TRAPPC9: variants seen among roughly 807,000 people sequenced by gnomAD.
TRAPPC9 encodes IKK2 binding protein.
TRAPPC9 carries 83 observed loss-of-function variants against 124.0 expected under a neutral mutation model. The ratio of observed to expected loss-of-function variants is 0.67; its 90% confidence interval spans 0.56 to 0.80. The LOEUF (loss-of-function observed/expected upper bound fraction) is 0.80, where lower values mean the gene tolerates loss of function less well. Among genes scored for constraint, TRAPPC9 ranks in the 30% least tolerant of loss-of-function variants. The pLI, the probability that TRAPPC9 is intolerant of heterozygous loss-of-function variation, is 0.00. For synonymous variants in TRAPPC9, 638 were observed against 617.5 expected (o/e 1.03, Z -0.49); for missense variants, 1,302 against 1,508.3 (o/e 0.86, Z 2.27).
chr8:140,300,461 C>T lies in TRAPPC9; in HGVS notation c.1768+8G>A, dbSNP rs1201370360. On this transcript the variant is annotated splice_region_variant and intron_variant, in intron 11 of 22. Coordinates refer to ENST00000438773, the MANE Select transcript of TRAPPC9 (RefSeq NM_001160372.4). ...AGCACGGTGGGAAAGCCAGGATCGA[C>T]GTCCTACCTATTTTCTTGTTCCGCT... 4.3e-6 allele frequency: 7 copies of T among 1,614,104 alleles called. No homozygotes were observed. The highest frequency in any genetic ancestry group is 3.3e-5 in the South Asian group (3 of 91,076).
chr8:139,827,694 C>A (rs895616043), intron 21 of TRAPPC9, among the ~76,000 whole-genome samples: 1 of 152,192 alleles, frequency 6.6e-6, no homozygotes, highest in Non-Finnish European at 1.5e-5. Flanking sequence ...GCCAGGACAG[C>A]AGCAAGAGGG....
intron 21 of TRAPPC9, among the ~76,000 whole-genome samples, chr8:139,782,588 T>C (rs867886929): frequency 1.2e-4 from 18 of 152,190 alleles, no homozygotes; most frequent in South Asian, 4.1e-4. Flanking sequence ...ATGGAGCTGA[T>C]TGGTAACAGA....
At chr8:140,304,714 C>A (rs2066076265) in intron 10 of TRAPPC9, among the ~76,000 whole-genome samples, 1 of 152,252 alleles carries the variant, frequency 6.6e-6, no homozygotes, top group East Asian at 1.9e-4. Context: ...CCTACCAGCT[C>A]TTCTTGATGC....
intron 17 of TRAPPC9, among the ~76,000 whole-genome samples, chr8:140,051,512 A>G (rs1268998425): frequency 8.1e-6 from 1 of 123,514 alleles, no homozygotes; most frequent in Non-Finnish European, 1.9e-5. Flanking sequence ...TGCTGCATAC[A>G]CCTGCAAGAA....
chr8:139,748,836 C>T (rs2130175949), intron 21 of TRAPPC9, among the ~76,000 whole-genome samples: 1 of 152,184 alleles, frequency 6.6e-6, no homozygotes, highest in East Asian at 1.9e-4. Flanking sequence ...GCACTTCCTC[C>T]CCCCAGGCCC....
chr8:140,067,367 T>C (rs1842942782), intron 17 of TRAPPC9, among the ~76,000 whole-genome samples: 1 of 152,162 alleles, frequency 6.6e-6, no homozygotes, highest in Non-Finnish European at 1.5e-5. Flanking sequence ...ATGGTCTCGA[T>C]CTCCTGACCT....
intron 19 of TRAPPC9, among the ~76,000 whole-genome samples, chr8:139,985,439 C>T (rs910923706): frequency 6.6e-6 from 1 of 152,164 alleles, no homozygotes; most frequent in African/African-American, 2.4e-5. Flanking sequence ...AGGCGTAGAC[C>T]CCAGAGGATG....
intron 16 of TRAPPC9, among the ~76,000 whole-genome samples, chr8:140,232,015 C>T (rs1041477067): frequency 2.0e-4 from 31 of 152,100 alleles, no homozygotes; most frequent in African/African-American, 5.5e-4. Context: ...CTCAGGTGAT[C>T]CACCTGTCTT....
intron 17 of TRAPPC9, among the ~76,000 whole-genome samples, chr8:140,126,805 G>A (rs1192553217): frequency 5.3e-5 from 8 of 152,322 alleles, no homozygotes; most frequent in African/African-American, 1.7e-4. Context: ...TGGGCCTAGC[G>A]TGGCAGGTGT....
chr8:140,306,525 T>C (rs939841588), intron 10 of TRAPPC9, among the ~76,000 whole-genome samples: 4 of 150,200 alleles, frequency 2.7e-5, no homozygotes, highest in Admixed American at 1.3e-4. Flanking sequence ...AAGAATTATA[T>C]GGAGCAAGGA....
At chr8:139,880,521 C>T (rs1829614663) in intron 21 of TRAPPC9, among the ~76,000 whole-genome samples, 1 of 152,176 alleles carries the variant, frequency 6.6e-6, no homozygotes, top group African/African-American at 2.4e-5. Flanking sequence ...ACCCTCCCTG[C>T]ACTCCCCACC....
intron 7 of TRAPPC9, among the ~76,000 whole-genome samples, chr8:140,382,171 G>A (rs2068628104): frequency 6.6e-6 from 1 of 152,220 alleles, no homozygotes; most frequent in Non-Finnish European, 1.5e-5. Context: ...GTTCCAAGAT[G>A]GCCGAATAGG....
intron 9 of TRAPPC9, among the ~76,000 whole-genome samples, chr8:140,323,027 G>T (rs1454969327): frequency 1.3e-5 from 2 of 152,196 alleles, no homozygotes; most frequent in African/African-American, 4.8e-5. Flanking sequence ...GGATAAGGCT[G>T]GTCACCAGAA....
intron 21 of TRAPPC9, among the ~76,000 whole-genome samples, chr8:139,865,239 G>C (rs1284792733): frequency 6.6e-6 from 1 of 152,222 alleles, no homozygotes; most frequent in African/African-American, 2.4e-5. Context: ...CTCTCCCACA[G>C]CAGAAGGAAT....
rs75244443 is a variant in TRAPPC9 at position 140,290,939 on chromosome 8, T to C, written c.1854+54A>G. On this transcript the variant is annotated intron_variant, in intron 12 of 22. Coordinates refer to ENST00000438773, the MANE Select transcript of TRAPPC9 (RefSeq NM_001160372.4). Reference sequence around the variant, plus strand: ...CTCAGACATTAAGTAAAACCTACTTTAATGAGAAGTTTGTATGTTAGCCCA... The same window carrying C: ...CTCAGACATTAAGTAAAACCTACTTCAATGAGAAGTTTGTATGTTAGCCCA... The C allele has an allele frequency of 5.7e-5, 81 of 1,432,050 alleles. No individual in the cohort carries two copies. In the East Asian group the frequency reaches 1.7e-3, roughly 30 times the overall value. 88.7% of individuals were successfully genotyped at this position (1,432,050 alleles called of 1,614,324 possible).
chr8:139,923,155 A>C (rs1832611502), intron 19 of TRAPPC9, among the ~76,000 whole-genome samples: 4 of 151,548 alleles, frequency 2.6e-5, no homozygotes, highest in Non-Finnish European at 5.9e-5. Context: ...CACCGTGCCT[A>C]GGTCATCAGC....
chr8:139,896,125 C>T (rs775231885), intron 20 of TRAPPC9, among the ~76,000 whole-genome samples: 5 of 152,238 alleles, frequency 3.3e-5, no homozygotes, highest in Non-Finnish European at 4.4e-5. Context: ...GCATATCCGA[C>T]TTCCTTTCAG....
In TRAPPC9 at chr8:140,101,532, C is replaced by CTTTTTTTTTTTTT. The variant is rs1234280796; in HGVS notation, c.2557-77454_2557-77453insAAAAAAAAAAAAA. ...ACTTGGGTTGGTTTTGTAGGGTTTTCTTTTTTTTGTTTTTTTTTTTTTTTT... is the reference window on the plus strand; with the variant it reads ...ACTTGGGTTGGTTTTGTAGGGTTTTCTTTTTTTTTTTTTTTTTTTTTGTTTTTTTTTTTTTTTT... On this transcript the variant is annotated intron_variant, in intron 17 of 22. Coordinates refer to ENST00000438773, the MANE Select transcript of TRAPPC9 (RefSeq NM_001160372.4). Among the ~76,000 whole-genome samples, 10 of 78,720 alleles carry CTTTTTTTTTTTTT rather than the reference C, an allele frequency of 1.3e-4. 2 individuals carry two copies. The highest frequency in any genetic ancestry group is 1.9e-4 in the African/African-American group (3 of 15,558). The allele number at this position is 78,720 out of a possible 152,430, so 51.6% of individuals were successfully genotyped here.
At chr8:140,452,291 G>A (rs1048095846) in intron 1 of TRAPPC9, among the ~76,000 whole-genome samples, 1 of 151,348 alleles carries the variant, frequency 6.6e-6, no homozygotes, top group Non-Finnish European at 1.5e-5. Context: ...GTGGTGGCAG[G>A]CACCTGTAGT....
Sources: gnomAD v4.1 joint callset for allele counts (sites outside exome capture counted in the v4.1 genomes callset) on GRCh38, gnomAD v4.1.1 for gene constraint, MANE v1.5 for transcripts, NCBI Gene and HGNC (gene_info 2026-07-23, HGNC 2026-07-21) for gene names.